The following VWA2 variants were observed in gnomAD, a reference collection of about 807,000 sequenced individuals.
VWA2 encodes von Willebrand factor A domain containing 2.
VWA2 carries 73 observed loss-of-function variants against 70.4 expected under a neutral mutation model. The ratio of observed to expected loss-of-function variants is 1.04; its 90% confidence interval spans 0.86 to 1.26. The LOEUF is 1.26. Among genes scored for constraint, VWA2 ranks in the 50% most tolerant of loss-of-function variants. The pLI, the probability that VWA2 is intolerant of heterozygous loss-of-function variation, is 0.00. For synonymous variants in VWA2, 407 were observed against 423.3 expected, an observed-to-expected ratio of 0.96 and a Z score of 0.47; for missense variants, 1,011 against 998.5, an observed-to-expected ratio of 1.01 and a Z score of -0.17.
intron 8 of VWA2, among the ~76,000 whole-genome samples, chr10:114,279,357 C>T (rs983836872): frequency 6.4e-4 from 92 of 143,418 alleles, no homozygotes; most frequent in African/African-American, 2.2e-3. Context: ...CCACACTGTT[C>T]CTGGGCACTT....
rs780326649 is a variant in VWA2, at chr10:114,277,168, C to CTTTTTTTTT, written c.567-724_567-716dup. On this transcript the variant is annotated intron_variant, in intron 6 of 13. Transcript: ENST00000392982. ...TCTAGATACATTACTGACTGCACGT[C>CTTTTTTTTT]TTTTTTTTTTTTTTTTTTTTTTTTT... 2.8e-3 allele frequency among the ~76,000 whole-genome samples: 170 copies of CTTTTTTTTT among 61,216 alleles called. 41 individuals are homozygous for CTTTTTTTTT. The highest frequency in any genetic ancestry group is 8.5e-3 in the African/African-American group (123 of 14,492). The allele number at this position is 61,216 out of a possible 152,430, so 40.2% of individuals were successfully genotyped here.
At chr10:114,246,527 G>GAAAAAAAAAAAAAAA (rs2037076331) in intron 1 of VWA2, 1 of 419,468 alleles carries the variant, frequency 2.4e-6, no homozygotes, top group Non-Finnish European at 4.2e-6. Flanking sequence ...AAAAAAAAAC[G>GAAAAAAAAAAAAAAA]AGTATCATGG....
Position 114,285,967 on chromosome 10 carries a change from C to G in VWA2, c.1026C>G (p.Val342=). ...TGAAGCTGAGCCTGGAATGCAGGGT[C>G]GACCTCCTCTTCCTGCTGGACAGCT... ...CALKLSLECR[V]DLLFLLDSSA... The change falls in exon 11 of 14, where the codon GTC becomes GTG. Residue 342 remains valine (V), a synonymous_variant. Transcript: ENST00000392982. 6.2e-7 allele frequency: 1 copy of G among 1,607,292 alleles called. No homozygotes were observed. Among genetic ancestry groups the G allele is most frequent in the South Asian group, 1.1e-5 (1 of 90,306 alleles).
chr10:114,253,684 T>A lies in VWA2; in HGVS notation c.86T>A (p.Val29Glu). ...PPSLPLQEVH[V>E]SKETIGKISA... is the part of the protein sequence containing the mutation. ...TCTCTCCCTCTCCAGGAAGTCCATGTAAGCAAAGAAACCATCGGGAAGATT... is the reference window on the plus strand; with the variant it reads ...TCTCTCCCTCTCCAGGAAGTCCATGAAAGCAAAGAAACCATCGGGAAGATT... Residue 29 changes from valine to glutamate, a missense_variant, in exon 3 of 14, where the codon GTA becomes GAA. Physicochemically the swap from Val to Glu is moderately radical, Grantham distance 121 (BLOSUM62 -2). Coordinates refer to ENST00000392982, the MANE Select transcript of VWA2 (RefSeq NM_001272046.2). 1.9e-6 allele frequency: 3 copies of A among 1,612,470 alleles called. No homozygotes were observed. The East Asian group carries it at 6.7e-5, about 36-fold the overall frequency.
intron 1 of VWA2, among the ~76,000 whole-genome samples, chr10:114,247,388 C>G (rs967403236): frequency 5.9e-5 from 9 of 152,050 alleles, no homozygotes; most frequent in African/African-American, 2.2e-4. Flanking sequence ...ACCTCTGCAT[C>G]CCAGGTTCAA....
intron 12 of VWA2, 45 bp downstream of exon 12, chr10:114,289,534 C>T (rs1290238055): frequency 6.2e-7 from 1 of 1,604,084 alleles, no homozygotes; most frequent in South Asian, 1.1e-5. Context: ...CCATGGCAGG[C>T]CCTCAGCCTG....
At position 114,255,066 on chromosome 10, in the gene VWA2, G is replaced by C. The variant is rs753064452; in HGVS notation, c.261+18G>C. On this transcript the variant is annotated intron_variant, in intron 4 of 13. Coordinates refer to ENST00000392982, the MANE Select transcript of VWA2 (RefSeq NM_001272046.2). ...CCGAGAGGGTGAGTGCAAGTCTTGT[G>C]GGTGTTTGTGTTAGGGCGTCTTCTG... 1 of 1,610,208 alleles carries C rather than the reference G, an allele frequency of 6.2e-7. No homozygotes were observed. Among genetic ancestry groups the C allele is most frequent in the South Asian group, 1.1e-5 (1 of 90,942 alleles).
At chr10:114,258,159 T>C (rs1350814353) in intron 4 of VWA2, among the ~76,000 whole-genome samples, 1 of 152,226 alleles carries the variant, frequency 6.6e-6, no homozygotes, top group East Asian at 1.9e-4. Context: ...TTAAGATGGT[T>C]TATTCTGACT....
At chr10:114,277,795 C>G (rs948851785) in intron 6 of VWA2, 119 bp from the exon 7 acceptor site, 10 of 1,315,012 alleles carry the variant, frequency 7.6e-6, no homozygotes, top group Non-Finnish European at 9.0e-6. Flanking sequence ...AGCTATGGGT[C>G]TGACAAAACC....
At chr10:114,252,512 G>A (rs1003552436) in intron 2 of VWA2, among the ~76,000 whole-genome samples, 3 of 152,118 alleles carry the variant, frequency 2.0e-5, no homozygotes, top group Non-Finnish European at 4.4e-5. Flanking sequence ...GACCAATAAC[G>A]TGGGTCATTG....
At chr10:114,256,500 TA>T (rs2037330841) in intron 4 of VWA2, among the ~76,000 whole-genome samples, 1 of 151,960 alleles carries the variant, frequency 6.6e-6, no homozygotes, top group South Asian at 2.1e-4. Context: ...TGGTTTTCAT[TA>T]AGGGGGAGGT....
intron 5 of VWA2, among the ~76,000 whole-genome samples, chr10:114,265,392 C>G (rs1014372789): frequency 6.6e-6 from 1 of 152,232 alleles, no homozygotes; most frequent in South Asian, 2.1e-4. Context: ...GAATTCACCT[C>G]TGCTCTTGTC....
intron 5 of VWA2, among the ~76,000 whole-genome samples, chr10:114,271,010 C>T (rs1333494981): frequency 6.6e-6 from 1 of 152,146 alleles, no homozygotes; most frequent in Non-Finnish European, 1.5e-5. Context: ...CCCTCTGAAG[C>T]CTGCTCCCTG....
At chr10:114,276,561 C>G (rs138857826) in intron 6 of VWA2, among the ~76,000 whole-genome samples, 2 of 152,086 alleles carry the variant, frequency 1.3e-5, no homozygotes, top group Admixed American at 1.3e-4. Context: ...TGCAGTGGCA[C>G]GATCATGGCT....
intron 8 of VWA2, 84 bp downstream of exon 8, chr10:114,278,935 C>A: frequency 1.3e-6 from 2 of 1,572,552 alleles, no homozygotes; most frequent in Admixed American, 3.4e-5. Flanking sequence ...ACTTTGGGGC[C>A]CTGCCATGGA....
intron 1 of VWA2, among the ~76,000 whole-genome samples, chr10:114,247,189 GAAAA>G (rs78485491): frequency 7.2e-6 from 1 of 139,136 alleles, no homozygotes. Flanking sequence ...TTTTAAGTGT[GAAAA>G]AAAAAAAAAA....
rs377442929 is a variant in VWA2 at position 114,285,961 on chromosome 10, C to T, written c.1020C>T (p.Cys340=). Residue 340 remains cysteine, a synonymous_variant, in exon 11 of 14, where the codon TGC becomes TGT. Transcript: ENST00000392982. Reference sequence around the variant, plus strand: ...CAGCCCTGAAGCTGAGCCTGGAATGCAGGGTCGACCTCCTCTTCCTGCTGG... The same window carrying T: ...CAGCCCTGAAGCTGAGCCTGGAATGTAGGGTCGACCTCCTCTTCCTGCTGG... The part of the protein sequence containing the change: ...ANCALKLSLE[C]RVDLLFLLDS... 2.1e-4 allele frequency: 336 copies of T among 1,603,940 alleles called. No homozygotes were observed. Among genetic ancestry groups the T allele is most frequent in the Admixed American group, 5.7e-4 (34 of 59,546 alleles).
intron 3 of VWA2, among the ~76,000 whole-genome samples, chr10:114,254,427 C>G (rs1327127779): frequency 2.0e-5 from 3 of 152,110 alleles, no homozygotes; most frequent in Non-Finnish European, 4.4e-5. Flanking sequence ...TTTCTGTTAC[C>G]TGCTCACCAG....
intron 1 of VWA2, among the ~76,000 whole-genome samples, chr10:114,241,313 C>T (rs963505561): frequency 6.6e-6 from 1 of 152,158 alleles, no homozygotes; most frequent in African/African-American, 2.4e-5. Context: ...ATAAATCTGC[C>T]ATTATAGTAT....
Sources: allele counts gnomAD v4.1 joint callset (sites outside exome capture counted in the v4.1 genomes callset), GRCh38; gene constraint gnomAD v4.1.1; transcripts MANE v1.5; gene names NCBI Gene and HGNC (gene_info 2026-07-23, HGNC 2026-07-21).